The following ERCC6L2 variants were observed in gnomAD, a reference collection of about 807,000 sequenced individuals.
The protein encoded by ERCC6L2 is ERCC excision repair 6 like 2.
ERCC6L2 carries 77 observed loss-of-function variants against 132.0 expected under a neutral mutation model. The observed-to-expected ratio is 0.58, with a 90% CI of 0.49 to 0.71. The LOEUF (loss-of-function observed/expected upper bound fraction) is 0.71. Ranked by LOEUF, ERCC6L2 falls within the 30% of genes least tolerant of loss-of-function variation. The pLI is 0.00. For synonymous variants in ERCC6L2, 583 were observed against 632.4 expected, an observed-to-expected ratio of 0.92 and a Z score of 1.17; for missense variants, 1,542 against 1,837.6, an observed-to-expected ratio of 0.84 and a Z score of 2.94.
rs1834215185 is a variant in ERCC6L2 at position 96,017,906 on chromosome 9, C to A, written c.*4703C>A. ...ATATTACACACACAGGAATATTATTCAGCCTTGAAAGGAAATTCGGACACG... is the reference window on the plus strand; with the variant it reads ...ATATTACACACACAGGAATATTATTAAGCCTTGAAAGGAAATTCGGACACG... On this transcript the variant is annotated 3_prime_UTR_variant, in exon 19 of 19. Transcript: ENST00000653738. Among the ~76,000 whole-genome samples the A allele has an allele frequency of 6.6e-6, 1 of 152,216 alleles. No individual in the cohort carries two copies. The highest frequency in any genetic ancestry group is 1.5e-5 in the Non-Finnish European group (1 of 68,044).
chr9:95,904,146 C>G (rs1337290163), intron 3 of ERCC6L2, among the ~76,000 whole-genome samples: 2 of 151,794 alleles, frequency 1.3e-5, no homozygotes, highest in Non-Finnish European at 2.9e-5. Context: ...GCGATAAATA[C>G]AAGGCTTTTT....
At position 96,039,860 on chromosome 9, in the gene ERCC6L2, G is replaced by A. The variant is rs575852215; in HGVS notation, c.*1755+733G>A. Among the ~76,000 whole-genome samples the A allele has an allele frequency of 9.9e-5, 15 of 152,226 alleles. No homozygotes were observed. The East Asian group carries it at 2.9e-3, about 29-fold the overall frequency. ...CTACAGTGGACAGGCAAGCGGCAGGGCTGGTGCTGAGTCACTCCACAGTGT... is the reference window on the plus strand; with the variant it reads ...CTACAGTGGACAGGCAAGCGGCAGGACTGGTGCTGAGTCACTCCACAGTGT... On this transcript the variant is annotated intron_variant and NMD_transcript_variant, in intron 20 of 20. Transcript: ENST00000670016.
rs764896598 is a variant in ERCC6L2 at position 95,916,466 on chromosome 9, T to C, written c.1158+32T>C. The stretch of plus-strand genomic sequence containing the variant: ...ACCGCATTTGTATATATTATTAATT[T>C]GTGGTCATATTTTTTTTTTCCTTTT... On this transcript the variant is annotated intron_variant, in intron 6 of 18. Coordinates refer to ENST00000653738, the MANE Select transcript of ERCC6L2 (RefSeq NM_020207.7). 21 of 1,437,650 alleles carry C rather than the reference T, an allele frequency of 1.5e-5. No homozygotes were observed. In the South Asian group the frequency reaches 2.3e-4, roughly 16 times the overall value. The allele number at this position is 1,437,650 out of a possible 1,614,324, so 89.1% of individuals were successfully genotyped here.
chr9:95,997,873 TAA>T (rs1466808378), intron 17 of ERCC6L2, among the ~76,000 whole-genome samples: 7 of 152,246 alleles, frequency 4.6e-5, no homozygotes, highest in Non-Finnish European at 1.0e-4. Flanking sequence ...TGTTTTATAA[TAA>T]GTTATAATTG....
Position 95,978,100 on chromosome 9 carries a change from A to G in ERCC6L2, c.3377A>G (p.Asn1126Ser), listed in dbSNP as rs1180561614. 1 of 1,367,434 alleles carries G rather than the reference A, an allele frequency of 7.3e-7. No homozygotes were observed. Among genetic ancestry groups the G allele is most frequent in the Non-Finnish European group, 9.8e-7 (1 of 1,021,740 alleles). The allele number at this position is 1,367,434 out of a possible 1,614,324, so 84.7% of individuals were successfully genotyped here. Residue 1126 changes from asparagine to serine, a missense_variant, in exon 17 of 19, where the codon AAT (asparagine) becomes AGT (serine). Around this residue, in one of 4 missense-constraint regions of ERCC6L2, gnomAD observed 442 missense variants for 583.4 expected, o/e 0.76. Coordinates refer to ENST00000653738, the MANE Select transcript of ERCC6L2 (RefSeq NM_020207.7). Reference sequence around the variant, plus strand: ...GTGGCTTATATTCACTCAAACCAGAATGTAATTGGATCGAGCAAAGCTGAA... The same window carrying G: ...GTGGCTTATATTCACTCAAACCAGAGTGTAATTGGATCGAGCAAAGCTGAA... ...QEVAYIHSNQNVIGSSKAENH... is the reference protein window; with the variant it reads ...QEVAYIHSNQSVIGSSKAENH...
At chr9:95,893,599 G>A (rs1043410727) in intron 2 of ERCC6L2, among the ~76,000 whole-genome samples, 10 of 151,980 alleles carry the variant, frequency 6.6e-5, no homozygotes, top group African/African-American at 2.4e-4. Flanking sequence ...CTTTGTGGAA[G>A]GTTTATAATT....
At chr9:96,033,703 C>T (rs2133269242) in intron 19 of ERCC6L2, among the ~76,000 whole-genome samples, 1 of 152,358 alleles carries the variant, frequency 6.6e-6, no homozygotes, top group East Asian at 1.9e-4. Context: ...ACTATCCCTT[C>T]TGTTTCTATC....
rs1475721197 is a variant in ERCC6L2, at chr9:95,881,119, T to G, written c.297T>G (p.Phe99Leu). Reference protein sequence around the residue: ...LEKPYFPNRKFPSSSVAFKLS... With the variant: ...LEKPYFPNRKLPSSSVAFKLS... ...AACCTTATTTCCCAAACCGAAAATT[T>G]CCATCATCTTCTGTTGCTTTTAAAT... Residue 99 changes from phenylalanine (F) to leucine (L), a missense_variant, in exon 2 of 19, where the codon TTT (phenylalanine) becomes TTG (leucine). Phe to Leu is a conservative substitution (Grantham distance 22). Transcript: ENST00000653738. 2 of 1,613,540 alleles carry G rather than the reference T, an allele frequency of 1.2e-6. No homozygotes were observed. The highest frequency in any genetic ancestry group is 2.7e-5 in the African/African-American group (2 of 74,828).
intron 19 of ERCC6L2, among the ~76,000 whole-genome samples, chr9:96,035,567 A>G (rs190393408): frequency 8.2e-4 from 125 of 151,920 alleles, no homozygotes; most frequent in Non-Finnish European, 4.9e-4. Flanking sequence ...CTCTCCAGGG[A>G]CTCCTCTCTG....
intron 18 of ERCC6L2, among the ~76,000 whole-genome samples, chr9:96,006,831 A>G (rs1833879690): frequency 6.6e-6 from 1 of 152,146 alleles, no homozygotes; most frequent in South Asian, 2.1e-4. Context: ...GGGAGAGAGA[A>G]GTTAGGAAAC....
Position 96,002,029 on chromosome 9 carries a change from G to A in ERCC6L2, c.3493-2491G>A, listed in dbSNP as rs1008824874. 2.6e-5 allele frequency among the ~76,000 whole-genome samples: 4 copies of A among 152,348 alleles called. No individual in the cohort carries two copies. In the East Asian group the frequency reaches 7.7e-4, roughly 29 times the overall value. On this transcript the variant is annotated intron_variant, in intron 17 of 18. Coordinates refer to ENST00000653738, the MANE Select transcript of ERCC6L2 (RefSeq NM_020207.7). ...CTGCTCCGAGTGCGGGGCGCACCAAGCCCACGCCCACCTGGAACTCCAGCT... is the reference window on the plus strand; with the variant it reads ...CTGCTCCGAGTGCGGGGCGCACCAAACCCACGCCCACCTGGAACTCCAGCT...
chr9:95,912,836 C>T (rs139950984), intron 4 of ERCC6L2, among the ~76,000 whole-genome samples: 1 of 152,268 alleles, frequency 6.6e-6, no homozygotes, highest in Non-Finnish European at 1.5e-5. Flanking sequence ...TGATTACTTT[C>T]TCAAGATATA....
intron 16 of ERCC6L2, among the ~76,000 whole-genome samples, chr9:95,975,471 C>CTTTTTTT (rs572855007): frequency 2.7e-5 from 3 of 111,280 alleles, no homozygotes; most frequent in Non-Finnish European, 5.6e-5. Flanking sequence ...ATTATATGTT[C>CTTTTTTT]TTTTTTTTTT....
At chr9:95,956,969 G>C (rs958314569) in intron 13 of ERCC6L2, among the ~76,000 whole-genome samples, 1 of 152,118 alleles carries the variant, frequency 6.6e-6, no homozygotes, top group African/African-American at 2.4e-5. Flanking sequence ...TACCTTAGAG[G>C]TGCATGATGT....
chr9:95,881,003 G>A lies in ERCC6L2; in HGVS notation c.181G>A (p.Glu61Lys). The change falls in exon 2 of 19, where the codon GAA becomes AAA. Residue 61 changes from glutamate to lysine, a missense_variant. Glu to Lys is a moderately conservative substitution (Grantham distance 56). Transcript: ENST00000653738. Reference protein sequence around the residue: ...FAVVLYADFQERKIPLKQLQE... With the variant: ...FAVVLYADFQKRKIPLKQLQE... ...AGTCGTCTTATATGCAGATTTTCAA[G>A]AAAGGAAAATACCTCTTAAACAGCT... The A allele has an allele frequency of 6.2e-7, 1 of 1,613,984 alleles. No individual in the cohort carries two copies. Among genetic ancestry groups the A allele is most frequent in the Non-Finnish European group, 8.5e-7 (1 of 1,179,918 alleles).
At chr9:96,038,563 G>T (rs960784257) in intron 19 of ERCC6L2, among the ~76,000 whole-genome samples, 1 of 152,194 alleles carries the variant, frequency 6.6e-6, no homozygotes, top group Non-Finnish European at 1.5e-5. Flanking sequence ...TCTGGGATTG[G>T]TCTCCCTCAG....
At chr9:96,007,191 G>A (rs1833889841) in intron 18 of ERCC6L2, among the ~76,000 whole-genome samples, 1 of 152,228 alleles carries the variant, frequency 6.6e-6, no homozygotes, top group African/African-American at 2.4e-5. Flanking sequence ...GCTGTTGTGG[G>A]CAGTCATCAA....
intron 12 of ERCC6L2, among the ~76,000 whole-genome samples, chr9:95,954,215 C>T (rs528586734): frequency 6.6e-6 from 1 of 152,270 alleles, no homozygotes; most frequent in East Asian, 1.9e-4. Context: ...CAGCCTCTCT[C>T]CACAGACAGC....
chr9:95,999,277 C>T (rs1368183580), intron 17 of ERCC6L2, among the ~76,000 whole-genome samples: 3 of 151,908 alleles, frequency 2.0e-5, no homozygotes, highest in East Asian at 3.8e-4. Flanking sequence ...AGGAGAATGG[C>T]GTGAACCCAG....
Sources: gnomAD v4.1 joint callset for allele counts (sites outside exome capture counted in the v4.1 genomes callset) on GRCh38, gnomAD v4.1.1 for gene constraint, gnomAD v4.1.1 regional missense constraint, MANE v1.5 for transcripts, NCBI Gene and HGNC (gene_info 2026-07-23, HGNC 2026-07-21) for gene names.